Variants in PLXDC2 observed in about 807,000 individuals in gnomAD.
PLXDC2 encodes the protein plexin domain-containing protein 2.
PLXDC2 carries 40 observed loss-of-function variants against 68.9 expected under a neutral mutation model. The ratio of observed to expected loss-of-function variants is 0.58; its 90% CI spans 0.45 to 0.76. PLXDC2 has a LOEUF of 0.76. PLXDC2 is among the 30% of genes least tolerant of loss of function. The pLI, the probability that PLXDC2 is intolerant of heterozygous loss-of-function variation, is 0.00. For synonymous variants in PLXDC2, 243 were observed against 234.2 expected (o/e 1.04, Z -0.34); for missense variants, 644 against 661.9 (o/e 0.97, Z 0.30).
At chr10:19,853,968 C>T (rs1402118499) in intron 1 of PLXDC2, among the ~76,000 whole-genome samples, 2 of 152,190 alleles carry the variant, frequency 1.3e-5, no homozygotes, top group East Asian at 3.9e-4. Context: ...TTCCCTGATT[C>T]TGGTTGAGTC....
At chr10:19,911,571 G>A (rs1455381614) in intron 1 of PLXDC2, among the ~76,000 whole-genome samples, 1 of 152,112 alleles carries the variant, frequency 6.6e-6, no homozygotes, top group Non-Finnish European at 1.5e-5. Flanking sequence ...CTAGGCTTAT[G>A]GATTCACAGA....
chr10:20,240,657 G>A (rs1835502291), intron 12 of PLXDC2, among the ~76,000 whole-genome samples: 1 of 142,002 alleles, frequency 7.0e-6, no homozygotes, highest in African/African-American at 2.6e-5. Context: ...ATAGAAAGAA[G>A]CTGGAATAGA....
intron 1 of PLXDC2, among the ~76,000 whole-genome samples, chr10:19,966,370 A>AAAAATATATGTGTGCACATATAT (rs1834253653): frequency 5.2e-5 from 7 of 133,478 alleles, no homozygotes; most frequent in African/African-American, 1.4e-4. Context: ...CACATATATA[A>AAAAATATATGTGTGCACATATAT]AAAATATATA....
At chr10:19,962,759 G>A (rs1834180871) in intron 1 of PLXDC2, among the ~76,000 whole-genome samples, 1 of 149,008 alleles carries the variant, frequency 6.7e-6, no homozygotes. Context: ...GCCGAGGCTG[G>A]GCGGATCACG....
chr10:19,973,448 C>G (rs1458631061), intron 1 of PLXDC2, among the ~76,000 whole-genome samples: 1 of 143,610 alleles, frequency 7.0e-6, no homozygotes, highest in Non-Finnish European at 1.5e-5. Flanking sequence ...TCATTATTGT[C>G]AAGGAATTTG....
chr10:20,033,481 TAAAG>T (rs1158526381), intron 2 of PLXDC2, among the ~76,000 whole-genome samples: 2 of 152,110 alleles, frequency 1.3e-5, no homozygotes, highest in Non-Finnish European at 2.9e-5. Context: ...TGCTACTAAA[TAAAG>T]ACATACCCAA....
Position 19,871,947 on chromosome 10 carries a change from A to T in PLXDC2, c.112+54756A>T, listed in dbSNP as rs1471791730. On this transcript the variant is annotated intron_variant, in intron 1 of 13. Transcript: ENST00000377252. ...CCATATGCCCATTTCCTTAAGTGTAACCCTATAAAGGCAAGCATTTCTGTC... is the reference window on the plus strand; with the variant it reads ...CCATATGCCCATTTCCTTAAGTGTATCCCTATAAAGGCAAGCATTTCTGTC... Among the ~76,000 whole-genome samples the T allele has an allele frequency of 3.9e-5, 6 of 151,906 alleles. No homozygotes were observed. The South Asian group carries it at 1.2e-3, about 32-fold the overall frequency.
intron 3 of PLXDC2, among the ~76,000 whole-genome samples, chr10:20,048,360 A>G (rs763947739): frequency 3.3e-5 from 5 of 152,078 alleles, no homozygotes; most frequent in Non-Finnish European, 7.4e-5. Flanking sequence ...TCCTTGCTAA[A>G]TTCCATCATC....
chr10:20,188,593 G>A (rs961777437), intron 9 of PLXDC2, among the ~76,000 whole-genome samples: 1 of 151,584 alleles, frequency 6.6e-6, no homozygotes, highest in African/African-American at 2.4e-5. Context: ...GAGCTAAGGG[G>A]CCTGGAAGCT....
chr10:19,881,125 C>CT (rs1038183829), intron 1 of PLXDC2, among the ~76,000 whole-genome samples: 6 of 150,758 alleles, frequency 4.0e-5, no homozygotes, highest in East Asian at 2.0e-4. Context: ...ATTTTTTTTT[C>CT]TTTTTTTTGA....
At chr10:19,833,541 TG>T (rs1836734952) in intron 1 of PLXDC2, among the ~76,000 whole-genome samples, 1 of 152,246 alleles carries the variant, frequency 6.6e-6, no homozygotes, top group East Asian at 1.9e-4. Flanking sequence ...ACTCATGTTG[TG>T]TAAAATGAGA....
intron 4 of PLXDC2, among the ~76,000 whole-genome samples, chr10:20,086,477 C>T (rs1446335863): frequency 6.6e-6 from 1 of 151,888 alleles, no homozygotes; most frequent in Non-Finnish European, 1.5e-5. Flanking sequence ...CAGGCATGAA[C>T]CATTATGCTC....
intron 4 of PLXDC2, among the ~76,000 whole-genome samples, chr10:20,141,301 A>G (rs1564330533): frequency 6.6e-6 from 1 of 152,100 alleles, no homozygotes; most frequent in Non-Finnish European, 1.5e-5. Context: ...TTAAATACTA[A>G]CAGTAAGTTT....
At chr10:19,830,307 T>G (rs967607399) in intron 1 of PLXDC2, among the ~76,000 whole-genome samples, 1 of 152,242 alleles carries the variant, frequency 6.6e-6, no homozygotes, top group Non-Finnish European at 1.5e-5. Flanking sequence ...ACTCAGGGAC[T>G]TGAGTTAACT....
intron 4 of PLXDC2, among the ~76,000 whole-genome samples, chr10:20,097,652 C>A (rs1194549935): frequency 6.6e-6 from 1 of 151,964 alleles, no homozygotes. Flanking sequence ...ACAACTTATA[C>A]TGTACAGCCA....
intron 1 of PLXDC2, among the ~76,000 whole-genome samples, chr10:19,852,422 T>C (rs1372569771): frequency 3.6e-5 from 2 of 55,936 alleles, no homozygotes; most frequent in Admixed American, 3.5e-4. Flanking sequence ...CAAGACCCTG[T>C]CTCAAAAAAA....
chr10:20,067,575 T>C (rs1836233852), intron 3 of PLXDC2, among the ~76,000 whole-genome samples: 1 of 151,760 alleles, frequency 6.6e-6, no homozygotes, highest in Non-Finnish European at 1.5e-5. Flanking sequence ...TAATCCCAGC[T>C]ACTTGGGAGG....
chr10:20,051,428 A>ATATG (rs1564297007), intron 3 of PLXDC2, among the ~76,000 whole-genome samples: 12 of 53,604 alleles, frequency 2.2e-4, no homozygotes, highest in African/African-American at 7.6e-4. Flanking sequence ...ATATATATAT[A>ATATG]TATATATATA....
rs139812666 is a variant in PLXDC2, at chr10:19,823,804, T to C, written c.112+6613T>C. On this transcript the variant is annotated intron_variant, in intron 1 of 13. Coordinates refer to ENST00000377252, the MANE Select transcript of PLXDC2 (RefSeq NM_032812.9). ...GATTTGGAGACCAGCCTGGGCAACA[T>C]AGGGAAGAGACCTCATCTCTACAGT... 9.9e-5 allele frequency among the ~76,000 whole-genome samples: 15 copies of C among 152,040 alleles called. No individual in the cohort carries two copies. In the East Asian group the frequency reaches 2.9e-3, roughly 29 times the overall value.
Sources: gnomAD v4.1 joint callset for allele counts (sites outside exome capture counted in the v4.1 genomes callset) on GRCh38, gnomAD v4.1.1 for gene constraint, MANE v1.5 for transcripts, NCBI Gene and HGNC (gene_info 2026-07-23, HGNC 2026-07-21) for gene names.